Variants in BDKRB2 observed in about 807,000 individuals in gnomAD.
BDKRB2 encodes B2 bradykinin receptor.
BDKRB2 carries 6 observed loss-of-function variants against 4.0 expected under a neutral mutation model. The observed-to-expected ratio is 1.49, with a 90% CI of 0.81 to 2.93. The LOEUF (loss-of-function observed/expected upper bound fraction) is 2.93, where lower values mean the gene tolerates loss of function less well. Among genes scored for constraint, BDKRB2 ranks in the 30% most tolerant of loss-of-function variants. The probability of loss-of-function intolerance (pLI) is 0.00; values close to 1 mark genes in which losing one functional copy is unlikely to be tolerated. For synonymous variants in BDKRB2, 225 were observed against 215.3 expected, an observed-to-expected ratio of 1.05 and a Z score of -0.40; for missense variants, 478 against 520.1, an observed-to-expected ratio of 0.92 and a Z score of 0.79.
At chr14:96,209,931 G>A (rs1171772023) in intron 1 of BDKRB2, among the ~76,000 whole-genome samples, 1 of 152,130 alleles carries the variant, frequency 6.6e-6, no homozygotes, top group Admixed American at 6.5e-5. Flanking sequence ...AGGAGGCAGA[G>A]GTTGCAGGGA....
chr14:96,239,938 G>T, intron 2 of BDKRB2: 2 of 986,424 alleles, frequency 2.0e-6, no homozygotes, highest in Non-Finnish European at 2.4e-6. Context: ...CTCCAAGCCA[G>T]ACTGGAATCT....
intron 1 of BDKRB2, among the ~76,000 whole-genome samples, chr14:96,229,986 T>A (rs954679830): frequency 1.3e-5 from 2 of 149,630 alleles, no homozygotes; most frequent in Non-Finnish European, 3.0e-5. Context: ...AAAAAAAAAT[T>A]AGCCAGGTGT....
chr14:96,240,475 AG>A lies in BDKRB2; in HGVS notation c.148del (p.Val50TrpfsTer24). On this transcript the variant is annotated frameshift_variant, in exon 3 of 3. Transcript: ENST00000554311. LOFTEE classifies it low-confidence loss of function (END_TRUNC). ...CCTTTGCCCAGAGCAAATGCCCCCA[AG>A]TGGAGTGGCTGGGCTGGCTCAACAC... ...GTFAQSKCPQVEWLGWLNTIQ... is the reference protein window; with the variant it reads ...GTFAQSKCPQXEWLGWLNTIQ... 1 of 1,524,154 alleles carries A rather than the reference AG, an allele frequency of 6.6e-7. No individual in the cohort carries two copies. The highest frequency in any genetic ancestry group is 8.8e-7 in the Non-Finnish European group (1 of 1,138,346). 94.4% of individuals were successfully genotyped at this position (1,524,154 alleles called of 1,614,324 possible).
At chr14:96,213,495 AACACAC>A (rs66460667) in intron 1 of BDKRB2, among the ~76,000 whole-genome samples, 1,769 of 146,744 alleles carry the variant, frequency 0.012, 25 homozygotes, top group African/African-American at 0.039. Flanking sequence ...GACCGACCCA[AACACAC>A]ACACACACAC....
At chr14:96,239,078 C>T (rs1460179610) in intron 2 of BDKRB2, 29 of 985,320 alleles carry the variant, frequency 2.9e-5, no homozygotes, top group East Asian at 1.1e-4. Context: ...GTATCTCTCC[C>T]GTGACTCGTA....
chr14:96,224,669 G>A (rs747601440), intron 1 of BDKRB2, among the ~76,000 whole-genome samples: 32 of 152,266 alleles, frequency 2.1e-4, no homozygotes, highest in South Asian at 1.0e-3. Context: ...CTTGCCTCGG[G>A]CTCAGGGCTC....
rs562698090 is a variant in BDKRB2 at position 96,240,474 on chromosome 14, A to G, written c.146A>G (p.Gln49Arg). 6.6e-7 allele frequency: 1 copy of G among 1,524,062 alleles called. No homozygotes were observed. The highest frequency in any genetic ancestry group is 8.8e-7 in the Non-Finnish European group (1 of 1,138,344). The allele number at this position is 1,524,062 out of a possible 1,614,324, so 94.4% of individuals were successfully genotyped here. ...ACCTTTGCCCAGAGCAAATGCCCCCAAGTGGAGTGGCTGGGCTGGCTCAAC... is the reference window on the plus strand; with the variant it reads ...ACCTTTGCCCAGAGCAAATGCCCCCGAGTGGAGTGGCTGGGCTGGCTCAAC... ...NGTFAQSKCPQVEWLGWLNTI... is the reference protein window; with the variant it reads ...NGTFAQSKCPRVEWLGWLNTI... The change falls in exon 3 of 3, where the codon CAA becomes CGA. Residue 49 changes from glutamine to arginine, a missense_variant. Gln to Arg is a conservative substitution (Grantham distance 43). Coordinates refer to ENST00000554311, the MANE Select transcript of BDKRB2 (RefSeq NM_001379692.1).
At chr14:96,233,638 G>T (rs1290400945) in intron 1 of BDKRB2, 1 of 152,168 alleles carries the variant, frequency 6.6e-6, no homozygotes, top group African/African-American at 2.4e-5. Context: ...TGGCTACAAG[G>T]TCGCGGGCCC....
intron 2 of BDKRB2, chr14:96,238,214 T>C (rs1045880145): frequency 4.7e-6 from 3 of 643,206 alleles, no homozygotes; most frequent in Non-Finnish European, 5.8e-6. Context: ...GAGGATCCAC[T>C]TTCAAGGTGG....
rs1424976476 is a variant in BDKRB2, at chr14:96,241,388, G to C, written c.1060G>C (p.Gly354Arg). The C allele has an allele frequency of 1.2e-6, 2 of 1,612,964 alleles. No individual in the cohort carries two copies. Among genetic ancestry groups the C allele is most frequent in the Admixed American group, 1.7e-5 (1 of 60,028 alleles). ...GGTGTACCAGGGAGTGTGCCAGAAA[G>C]GGGGCTGCAGGTCAGAACCCATTCA... ...WEVYQGVCQKGGCRSEPIQME... is the reference protein window; with the variant it reads ...WEVYQGVCQKRGCRSEPIQME... The change falls in exon 3 of 3, where the codon GGG (glycine) becomes CGG (arginine). Residue 354 changes from glycine to arginine, a missense_variant. By Grantham distance (125) the Gly-to-Arg change is moderately radical (BLOSUM62 -2). Coordinates refer to ENST00000554311, the MANE Select transcript of BDKRB2 (RefSeq NM_001379692.1).
rs79611435 is a variant in BDKRB2, at chr14:96,239,787, T to C, written c.75-616T>C. The C allele has an allele frequency of 1.7e-4, 165 of 984,628 alleles. 3 individuals are homozygous for C. The East Asian group carries it at 0.013, about 76-fold the overall frequency. 61.0% of individuals were successfully genotyped at this position (984,628 alleles called of 1,614,324 possible). A position where few individuals can be genotyped will look rare whatever the true frequency, so the allele number is the denominator to read the frequency against. On this transcript the variant is annotated intron_variant, in intron 2 of 2. Transcript: ENST00000554311. ...AGCCAGGATGTGAACCCAGTAGGACTATCTGGCTGCAAAGTCCCCACCCTC... is the reference window on the plus strand; with the variant it reads ...AGCCAGGATGTGAACCCAGTAGGACCATCTGGCTGCAAAGTCCCCACCCTC...
intron 1 of BDKRB2, among the ~76,000 whole-genome samples, chr14:96,218,400 G>C (rs1890477036): frequency 6.6e-6 from 1 of 152,114 alleles, no homozygotes; most frequent in Admixed American, 6.5e-5. Flanking sequence ...ACTTCATAGT[G>C]GGATGACCTT....
intron 1 of BDKRB2, among the ~76,000 whole-genome samples, chr14:96,220,024 T>C (rs1890519696): frequency 6.6e-6 from 1 of 152,042 alleles, no homozygotes; most frequent in Admixed American, 6.5e-5. Context: ...CGAGAGTATT[T>C]ATACCATAGA....
At chr14:96,237,781 A>G (rs1455942001) in intron 2 of BDKRB2, 1 of 1,289,670 alleles carries the variant, frequency 7.8e-7, no homozygotes, top group East Asian at 5.5e-5. Context: ...CTGGACCTAT[A>G]GTTTCCAATT....
chr14:96,237,398 G>C (rs931175501), intron 2 of BDKRB2, among the ~76,000 whole-genome samples: 1 of 152,206 alleles, frequency 6.6e-6, no homozygotes, highest in African/African-American at 2.4e-5. Flanking sequence ...GGCTCAGGGA[G>C]AAGAAGGGCA....
At chr14:96,211,841 G>C (rs79214853) in intron 1 of BDKRB2, among the ~76,000 whole-genome samples, 1 of 152,194 alleles carries the variant, frequency 6.6e-6, no homozygotes, top group Non-Finnish European at 1.5e-5. Flanking sequence ...GGAACTCCCT[G>C]CGAAGGCCGG....
chr14:96,221,543 G>T (rs1890561255), intron 1 of BDKRB2, among the ~76,000 whole-genome samples: 1 of 152,130 alleles, frequency 6.6e-6, no homozygotes, highest in Admixed American at 6.5e-5. Context: ...AACCAGTGTG[G>T]TTGAGTAGAC....
chr14:96,225,769 G>C (rs531705879), intron 1 of BDKRB2, among the ~76,000 whole-genome samples: 1 of 152,292 alleles, frequency 6.6e-6, no homozygotes, highest in Non-Finnish European at 1.5e-5. Context: ...CTACCAGTTA[G>C]GGTTCTCTGT....
In BDKRB2 at chr14:96,218,614, A is replaced by G. The variant is rs368960496; in HGVS notation, c.-40+13655A>G. On this transcript the variant is annotated intron_variant, in intron 1 of 2. Coordinates refer to ENST00000554311, the MANE Select transcript of BDKRB2 (RefSeq NM_001379692.1). ...GGCTGGGTTTCCCCATCTGCAAAAT[A>G]AGGACATAAAAACCCATCTAGAGCT... Among the ~76,000 whole-genome samples, 14 of 152,270 alleles carry G rather than the reference A, an allele frequency of 9.2e-5. No individual in the cohort carries two copies. In the East Asian group the frequency reaches 1.9e-3, roughly 21 times the overall value.
Sources: gnomAD v4.1 joint callset for allele counts (sites outside exome capture counted in the v4.1 genomes callset) on GRCh38, gnomAD v4.1.1 for gene constraint, MANE v1.5 for transcripts, NCBI Gene and HGNC (gene_info 2026-07-23, HGNC 2026-07-21) for gene names.